HELLS: variants seen among roughly 807,000 people sequenced by gnomAD.
HELLS encodes helicase, lymphoid specific, also known as lymphoid-specific helicase.
In HELLS, 32 loss-of-function variants were observed where a neutral mutation model predicts 120.0. The observed-to-expected ratio is 0.27, with a 90% CI of 0.20 to 0.36. The LOEUF (loss-of-function observed/expected upper bound fraction) is 0.36. Ranked by LOEUF, HELLS falls within the 10% of genes least tolerant of loss-of-function variation. The pLI is 1.00. For missense variants in HELLS, 650 were observed against 993.4 expected (o/e 0.65, Z 4.65); for synonymous variants, 341 against 323.4 (o/e 1.05, Z -0.58).
chr10:94,569,734 C>A (rs904613508), intron 6 of HELLS: 1 of 152,208 alleles, frequency 6.6e-6, no homozygotes, highest in Middle Eastern at 3.4e-3. Flanking sequence ...TAGGCACTTA[C>A]CGCTGTGATC....
intron 3 of HELLS, among the ~76,000 whole-genome samples, chr10:94,556,481 C>T (rs1163531084): frequency 2.6e-5 from 4 of 152,086 alleles, no homozygotes; most frequent in Admixed American, 1.3e-4. Context: ...CTAAACTGCA[C>T]ATATTTAAAA....
intron 13 of HELLS, among the ~76,000 whole-genome samples, chr10:94,589,441 C>T (rs1387742077): frequency 1.3e-5 from 2 of 152,136 alleles, no homozygotes; most frequent in African/African-American, 4.8e-5. Context: ...AGTTTCCTTA[C>T]AGAAGGTTAT....
At chr10:94,558,379 G>T (rs1307399236) in intron 4 of HELLS, among the ~76,000 whole-genome samples, 184 bp downstream of exon 4, 1 of 152,144 alleles carries the variant, frequency 6.6e-6, no homozygotes, top group African/African-American at 2.4e-5. Context: ...TGGAGAAAGA[G>T]CCAAAGTATG....
intron 2 of HELLS, among the ~76,000 whole-genome samples, chr10:94,547,067 T>C (rs1030793062): frequency 2.0e-5 from 3 of 152,218 alleles, no homozygotes; most frequent in African/African-American, 7.2e-5. Flanking sequence ...AAATGTGCCG[T>C]ACTTTTTCAA....
intron 6 of HELLS, among the ~76,000 whole-genome samples, chr10:94,565,207 T>C (rs1441212909): frequency 6.6e-5 from 10 of 152,040 alleles, no homozygotes. Flanking sequence ...AATGGTGGCT[T>C]GCGCCTGTAG....
At chr10:94,572,127 G>T (rs749668834) in intron 7 of HELLS, among the ~76,000 whole-genome samples, 2 of 152,118 alleles carry the variant, frequency 1.3e-5, no homozygotes, top group Non-Finnish European at 2.9e-5. Context: ...TCTTTGTTAA[G>T]TTATTAAGGA....
chr10:94,557,782 G>C (rs1843340161), intron 3 of HELLS, among the ~76,000 whole-genome samples: 1 of 152,222 alleles, frequency 6.6e-6, no homozygotes, highest in African/African-American at 2.4e-5. Context: ...CAAAGAGACT[G>C]TTGGGCTCTG....
chr10:94,590,786 G>A lies in HELLS; in HGVS notation c.1767+10G>A. On this transcript the variant is annotated intron_variant, in intron 15 of 21. Transcript: ENST00000348459. Reference sequence around the variant, plus strand: ...TACACAAGAATTTAAGGTGAATACTGTTTAATTCTAATTTACTGTTTTGAT... The same window carrying A: ...TACACAAGAATTTAAGGTGAATACTATTTAATTCTAATTTACTGTTTTGAT... 1 of 1,394,414 alleles carries A rather than the reference G, an allele frequency of 7.2e-7. No homozygotes were observed. The highest frequency in any genetic ancestry group is 9.8e-7 in the Non-Finnish European group (1 of 1,023,764). The allele number at this position is 1,394,414 out of a possible 1,614,324, so 86.4% of individuals were successfully genotyped here. A position where few individuals can be genotyped will look rare whatever the true frequency, so the allele number is the denominator to read the frequency against.
chr10:94,583,107 T>C, intron 12 of HELLS, 48 bp downstream of exon 12: 1 of 1,030,572 alleles, frequency 9.7e-7, no homozygotes, highest in Non-Finnish European at 1.4e-6. Flanking sequence ...CGATAGAGTA[T>C]AAAAGGAACT....
At chr10:94,589,182 C>T (rs777973108) in intron 13 of HELLS, among the ~76,000 whole-genome samples, 10 of 151,996 alleles carry the variant, frequency 6.6e-5, no homozygotes, top group African/African-American at 1.4e-4. Flanking sequence ...TGTATATTTC[C>T]GTACAGATTA....
chr10:94,573,242 G>A (rs1229222371), intron 7 of HELLS, among the ~76,000 whole-genome samples: 2 of 152,198 alleles, frequency 1.3e-5, no homozygotes, highest in African/African-American at 2.4e-5. Context: ...ACAGGCGTGA[G>A]CCACCATGCC....
intron 4 of HELLS, among the ~76,000 whole-genome samples, chr10:94,561,289 C>G (rs1328321588): frequency 6.6e-6 from 1 of 151,988 alleles, no homozygotes; most frequent in South Asian, 2.1e-4. Flanking sequence ...CTGGCCTTAC[C>G]TAGGGGTTTT....
chr10:94,580,645 A>G (rs1457253159), intron 10 of HELLS, among the ~76,000 whole-genome samples: 1 of 152,190 alleles, frequency 6.6e-6, no homozygotes, highest in Non-Finnish European at 1.5e-5. Context: ...TTTGGGATGT[A>G]TAAAGCAAAA....
intron 6 of HELLS, among the ~76,000 whole-genome samples, chr10:94,564,509 G>A (rs992666641): frequency 6.6e-6 from 1 of 152,098 alleles, no homozygotes; most frequent in Non-Finnish European, 1.5e-5. Flanking sequence ...TCTAAAACCA[G>A]CTTCTTTTTT....
chr10:94,580,932 C>T (rs565526559), intron 10 of HELLS, among the ~76,000 whole-genome samples: 24 of 152,228 alleles, frequency 1.6e-4, no homozygotes, highest in African/African-American at 5.5e-4. Flanking sequence ...AATTCTAGTG[C>T]TATTTGATGT....
At position 94,545,879 on chromosome 10, in the gene HELLS, G is replaced by A; in HGVS notation, c.-43G>A. 1 of 1,550,828 alleles carries A rather than the reference G, an allele frequency of 6.4e-7. No homozygotes were observed. The highest frequency in any genetic ancestry group is 8.7e-7 in the Non-Finnish European group (1 of 1,145,992). ...GAGGAGTTAGCTCGCGGCATTGCAG[G>A]CTCTGAGAGGAGGGGACCCGGTTCC... On this transcript the variant is annotated 5_prime_UTR_variant, in exon 1 of 22. Transcript: ENST00000348459.
chr10:94,553,068 T>C (rs937927194), intron 2 of HELLS, among the ~76,000 whole-genome samples: 1 of 152,152 alleles, frequency 6.6e-6, no homozygotes, highest in Non-Finnish European at 1.5e-5. Context: ...AATCAACTTG[T>C]TTATTAATCT....
At chr10:94,588,479 T>C (rs975253872) in intron 13 of HELLS, 89 bp downstream of exon 13, 9 of 954,980 alleles carry the variant, frequency 9.4e-6, no homozygotes, top group Non-Finnish European at 1.2e-5. Flanking sequence ...GGTGTCGCTC[T>C]GTCACCCAGG....
intron 12 of HELLS, among the ~76,000 whole-genome samples, chr10:94,586,544 G>C (rs536156243): frequency 6.6e-6 from 1 of 152,276 alleles, no homozygotes; most frequent in South Asian, 2.1e-4. Flanking sequence ...GTAATAGTCT[G>C]TCTATGATTA....
Sources: allele counts gnomAD v4.1 joint callset (sites outside exome capture counted in the v4.1 genomes callset), GRCh38; gene constraint gnomAD v4.1.1; transcripts MANE v1.5; gene names NCBI Gene and HGNC (gene_info 2026-07-23, HGNC 2026-07-21).